Variants in TONSL observed in about 807,000 individuals in gnomAD.
TONSL encodes tonsoku-like protein.
A neutral mutation model predicts 147.1 loss-of-function variants in TONSL; 112 were observed. The observed-to-expected ratio is 0.76, with a 90% CI of 0.65 to 0.89. TONSL has a LOEUF of 0.89. Among genes scored for constraint, TONSL ranks in the 40% least tolerant of loss-of-function variants. The pLI is 0.00. For synonymous variants in TONSL, 868 were observed against 801.5 expected, an observed-to-expected ratio of 1.08 and a Z score of -1.40; for missense variants, 1,883 against 1,864.6, an observed-to-expected ratio of 1.01 and a Z score of -0.18.
intron 11 of TONSL, 78 bp from the exon 12 acceptor site, chr8:144,438,813 C>G (rs1823584350): frequency 6.9e-7 from 1 of 1,457,396 alleles, no homozygotes; most frequent in Non-Finnish European, 9.4e-7. Context: ...TGCAAGCTCC[C>G]CAAACTCCCA....
Position 144,436,778 on chromosome 8 carries a change from G to A in TONSL, c.1869C>T (p.Ser623=), listed in dbSNP as rs756598288. ...VAELLLERGA[S]VTLRTRKGLS... is the part of the protein sequence containing the mutation. ...TCACCTTTCGAGTGCGGAGGGTGAC[G>A]GACGCCCCCCGTTCAAGCAGCAGCT... Residue 623 remains serine (S), a synonymous_variant, in exon 15 of 26, where the codon TCC becomes TCT. Transcript: ENST00000409379. The A allele has an allele frequency of 3.7e-5, 60 of 1,611,014 alleles. No homozygotes were observed. The Admixed American group carries it at 6.3e-4, about 17-fold the overall frequency.
chr8:144,434,961 C>T, intron 19 of TONSL, 56 bp downstream of exon 19: 1 of 1,611,400 alleles, frequency 6.2e-7, no homozygotes. Context: ...AGCCATGAGC[C>T]ACCCGGGGGC....
rs983086001 is a variant in TONSL at position 144,433,482 on chromosome 8, C to T, written c.3559+106G>A. ...CCTCAGCCTCTCAAGTAGCTGGGACCACAGGTGTTGCCCCTGTGTGCCCAG... is the reference window on the plus strand; with the variant it reads ...CCTCAGCCTCTCAAGTAGCTGGGACTACAGGTGTTGCCCCTGTGTGCCCAG... On this transcript the variant is annotated intron_variant, in intron 22 of 25. Transcript: ENST00000409379. The T allele has an allele frequency of 1.2e-5, 14 of 1,126,394 alleles. No homozygotes were observed. The African/African-American group carries it at 1.6e-4, about 13-fold the overall frequency. The allele number at this position is 1,126,394 out of a possible 1,614,324, so 69.8% of individuals were successfully genotyped here.
intron 3 of TONSL, 30 bp downstream of exon 3, chr8:144,443,852 G>C: frequency 6.5e-7 from 1 of 1,541,800 alleles, no homozygotes; most frequent in African/African-American, 1.4e-5. Flanking sequence ...GGCCGACCGG[G>C]CTGGACGAGG....
chr8:144,435,062 C>G lies in TONSL; in HGVS notation c.2961G>C (p.Leu987=). The change falls in exon 19 of 26, where the codon CTG becomes CTC. Residue 987 remains leucine, a synonymous_variant. Coordinates refer to ENST00000409379, the MANE Select transcript of TONSL (RefSeq NM_013432.5). ...CATCAGGGATGAGGTCCTGTGGGGC[C>G]AGCAGGGCCCCCTCTTTCCGTAGGG... ...RLTLRKEGAL[L]APQDLIPDVL... is the part of the protein sequence containing the mutation. 6.2e-7 allele frequency: 1 copy of G among 1,611,628 alleles called. No individual in the cohort carries two copies. The highest frequency in any genetic ancestry group is 8.5e-7 in the Non-Finnish European group (1 of 1,179,352).
chr8:144,442,387 A>G lies in TONSL; in HGVS notation c.604T>C (p.Phe202Leu), dbSNP rs751143793. 1 of 1,567,146 alleles carries G rather than the reference A, an allele frequency of 6.4e-7. No homozygotes were observed. Among genetic ancestry groups the G allele is most frequent in the South Asian group, 1.2e-5 (1 of 86,572 alleles). The change falls in exon 6 of 26, where the codon TTC (phenylalanine) becomes CTC (leucine). Residue 202 changes from phenylalanine to leucine, a missense_variant. Phe to Leu is a conservative substitution (Grantham distance 22, BLOSUM62 0). Transcript: ENST00000409379. Reference protein sequence around the residue: ...AEQNHLYEDLFRARYNLGTIH... With the variant: ...AEQNHLYEDLLRARYNLGTIH... Reference sequence around the variant, plus strand: ...GTGCCCAGGTTGTAGCGGGCGCGGAATAGGTCCTCGTAAAGGTGGTTCTGC... The same window carrying G: ...GTGCCCAGGTTGTAGCGGGCGCGGAGTAGGTCCTCGTAAAGGTGGTTCTGC...
At chr8:144,443,536 G>A (rs1184559652) in intron 3 of TONSL, among the ~76,000 whole-genome samples, 1 of 151,648 alleles carries the variant, frequency 6.6e-6, no homozygotes, top group Non-Finnish European at 1.5e-5. Context: ...ACGCTGTCAC[G>A]TGGGGAGGGG....
chr8:144,439,083 T>C lies in TONSL; in HGVS notation c.1481-348A>G, dbSNP rs1823599196. 3.3e-5 allele frequency among the ~76,000 whole-genome samples: 5 copies of C among 152,016 alleles called. No individual in the cohort carries two copies. In the South Asian group the frequency reaches 1.0e-3, roughly 32 times the overall value. On this transcript the variant is annotated intron_variant, in intron 11 of 25. Coordinates refer to ENST00000409379, the MANE Select transcript of TONSL (RefSeq NM_013432.5). ...TCATCCCCACGCCCAGACCGGCTCG[T>C]GGGCCAGTCTTCCTCCACCCCACGC...
At position 144,442,252 on chromosome 8, in the gene TONSL, C is replaced by T. The variant is rs1207597637; in HGVS notation, c.739G>A (p.Val247Ile). The T allele has an allele frequency of 6.3e-7, 1 of 1,588,434 alleles. No homozygotes were observed. Among genetic ancestry groups the T allele is most frequent in the Non-Finnish European group, 8.6e-7 (1 of 1,163,790 alleles). ...KRFMESECCV[V>I]IAQVLQDLGD... ...CGCACAGCGGGTACCTGTGCAATAA[C>T]CACGCAGCACTCGCTCTCCATGAAC... Residue 247 changes from valine (V) to isoleucine (I), a missense_variant, in exon 6 of 26, where the codon GTT (valine) becomes ATT (isoleucine). Transcript: ENST00000409379.
At position 144,434,997 on chromosome 8, in the gene TONSL, C is replaced by T. The variant is rs201648442; in HGVS notation, c.3006+20G>A. 5.2e-4 allele frequency: 832 copies of T among 1,611,994 alleles called. 5 individuals carry two copies. The African/African-American group carries it at 9.7e-3, about 19-fold the overall frequency. ...TCCCGGTGCCTGAGGCCCTGGCTCC[C>T]CCTCCGCTCTGCGGCTCACCTCGTC... On this transcript the variant is annotated intron_variant, in intron 19 of 25. Transcript: ENST00000409379.
At position 144,429,108 on chromosome 8, in the gene TONSL, G is replaced by A. The variant is rs1314577305; in HGVS notation, c.*35C>T. 2 of 1,491,786 alleles carry A rather than the reference G, an allele frequency of 1.3e-6. No homozygotes were observed. Among genetic ancestry groups the A allele is most frequent in the African/African-American group, 1.4e-5 (1 of 69,936 alleles). 92.4% of individuals were successfully genotyped at this position (1,491,786 alleles called of 1,614,324 possible). A position where few individuals can be genotyped will look rare whatever the true frequency, so the allele number is the denominator to read the frequency against. The stretch of plus-strand genomic sequence containing the variant: ...CCGGCCAGCAGCTTCATTTATTAGG[G>A]GCTTCGGTGAGGGTGGGGAAAGGCA... On this transcript the variant is annotated 3_prime_UTR_variant, in exon 26 of 26. Transcript: ENST00000409379.
Position 144,438,551 on chromosome 8 carries a change from G to A in TONSL, c.1573C>T (p.Arg525Ter), listed in dbSNP as rs910699280. 9.3e-6 allele frequency: 15 copies of A among 1,613,012 alleles called. No homozygotes were observed. The highest frequency in any genetic ancestry group is 1.6e-4 in the Middle Eastern group (1 of 6,084). ...GRRKGSKWNR[R>*]NDMGETLLHR... ...AGCAGGGTCTCCCCCATGTCGTTTC[G>A]CCGGTTCCACTGTGGGCACAGCCAA... The change falls in exon 13 of 26, where the codon CGA becomes TGA. Residue 525 changes from arginine to a stop codon, truncating the protein, a stop_gained. Coordinates refer to ENST00000409379, the MANE Select transcript of TONSL (RefSeq NM_013432.5). LOFTEE classifies it high-confidence loss of function.
rs772412628 is a variant in TONSL at position 144,443,243 on chromosome 8, G to C, written c.343C>G (p.Arg115Gly). Residue 115 changes from arginine to glycine, a missense_variant, in exon 4 of 26, where the codon CGC becomes GGC. Physicochemically the swap from Arg to Gly is moderately radical, Grantham distance 125. Coordinates refer to ENST00000409379, the MANE Select transcript of TONSL (RefSeq NM_013432.5). ...ELQRAWATIG[R>G]THLDIYDHCQ... ...TGGTCATAGATGTCCAGGTGGGTGC[G>C]GCCGATGGTGGCCCAGGCCCTCTGC... is the stretch of plus-strand genomic sequence containing the variant. 1.9e-6 allele frequency: 3 copies of C among 1,550,646 alleles called. No homozygotes were observed. Among genetic ancestry groups the C allele is most frequent in the Non-Finnish European group, 2.6e-6 (3 of 1,146,992 alleles).
At position 144,435,684 on chromosome 8, in the gene TONSL, C is replaced by T. The variant is rs1250679867; in HGVS notation, c.2749G>A (p.Asp917Asn). 2 of 1,608,296 alleles carry T rather than the reference C, an allele frequency of 1.2e-6. No individual in the cohort carries two copies. The highest frequency in any genetic ancestry group is 1.7e-6 in the Non-Finnish European group (2 of 1,176,524). The change falls in exon 17 of 26, where the codon GAC (aspartate) becomes AAC (asparagine). Residue 917 changes from aspartate to asparagine, a missense_variant. Asp to Asn is a conservative substitution (Grantham distance 23). Transcript: ENST00000409379. Reference sequence around the variant, plus strand: ...AAGGGCTGGCCTGCCGCAGAGCTGTCCCCACTGGGCTCTGAGACCCTGGGG... The same window carrying T: ...AAGGGCTGGCCTGCCGCAGAGCTGTTCCCACTGGGCTCTGAGACCCTGGGG... ...STPRVSEPSGDSSAAGQPLGP... is the reference protein window; with the variant it reads ...STPRVSEPSGNSSAAGQPLGP...
intron 7 of TONSL, chr8:144,441,828 G>A (rs1042980147): frequency 7.3e-6 from 4 of 551,370 alleles, no homozygotes; most frequent in Non-Finnish European, 1.3e-5. Context: ...CTGACACACT[G>A]TGTTGAGCTC....
rs184658424 is a variant in TONSL, at chr8:144,441,987, C to G, written c.865+50G>C. The stretch of plus-strand genomic sequence containing the variant: ...GGCGGGACTCCACCCCGCCCCCAGG[C>G]TCACCCCTGCACACACCTCCCAGGG... On this transcript the variant is annotated intron_variant, in intron 7 of 25. Transcript: ENST00000409379. The G allele has an allele frequency of 2.9e-3, 4,443 of 1,551,822 alleles. 20 individuals are homozygous for G. Among genetic ancestry groups the G allele is most frequent in the Admixed American group, 9.2e-3 (546 of 59,232 alleles).
chr8:144,431,088 C>G lies in TONSL; in HGVS notation c.3799G>C (p.Asp1267His), dbSNP rs1164770367. 6.2e-7 allele frequency: 1 copy of G among 1,614,148 alleles called. No homozygotes were observed. Among genetic ancestry groups the G allele is most frequent in the African/African-American group, 1.3e-5 (1 of 75,052 alleles). ...GGGAAAGGGCGTTACCTGCACAGGT[C>G]TCTAACAGCCTTGTCCCCCAGGTGG... ...ANHLGDKAVR[D>H]LCRCLSLCPS... The change falls in exon 24 of 26, where the codon GAC becomes CAC. Residue 1267 changes from aspartate (D) to histidine (H), a missense_variant. Asp to His is a moderately conservative substitution (Grantham distance 81). Coordinates refer to ENST00000409379, the MANE Select transcript of TONSL (RefSeq NM_013432.5).
intron 13 of TONSL, 84 bp from the exon 14 acceptor site, chr8:144,437,183 G>T: frequency 7.2e-7 from 1 of 1,387,710 alleles, no homozygotes; most frequent in Non-Finnish European, 1.0e-6. Context: ...CCTAAGCTGA[G>T]CCCAGGGCCT....
chr8:144,444,128 GCCCGGGCCCGGGCC>G, intron 2 of TONSL, 38 bp downstream of exon 2: 1 of 1,314,572 alleles, frequency 7.6e-7, no homozygotes, highest in Non-Finnish European at 9.6e-7. Context: ...CCCGATCCCG[GCCCGGGCCCGGGCC>G]CCGGCCCTGC....
Sources: gnomAD v4.1 joint callset for allele counts (sites outside exome capture counted in the v4.1 genomes callset) on GRCh38, gnomAD v4.1.1 for gene constraint, MANE v1.5 for transcripts, NCBI Gene and HGNC (gene_info 2026-07-23, HGNC 2026-07-21) for gene names.